The following CDKAL1 variants were observed in gnomAD, a reference collection of about 807,000 sequenced individuals.
CDKAL1 encodes CDKAL1 threonylcarbamoyladenosine tRNA methylthiotransferase.
CDKAL1 carries 32 observed loss-of-function variants against 68.2 expected under a neutral mutation model. That is an observed-to-expected ratio of 0.47 (90% CI 0.35 to 0.63). CDKAL1 has a LOEUF of 0.63. Ranked by LOEUF, CDKAL1 falls within the 30% of genes least tolerant of loss-of-function variation. The pLI, the probability that CDKAL1 is intolerant of heterozygous loss-of-function variation, is 0.00. For synonymous variants in CDKAL1, 234 were observed against 244.3 expected (o/e 0.96, Z 0.39); for missense variants, 606 against 696.7 (o/e 0.87, Z 1.47).
intron 5 of CDKAL1, among the ~76,000 whole-genome samples, chr6:20,672,531 TA>T (rs1414159024): frequency 4.6e-5 from 7 of 151,820 alleles, no homozygotes; most frequent in African/African-American, 1.7e-4. Context: ...TCTGTATTTT[TA>T]ATAGAGACAG....
intron 4 of CDKAL1, among the ~76,000 whole-genome samples, chr6:20,604,805 G>A (rs113046434): frequency 1.0e-3 from 157 of 152,338 alleles, no homozygotes; most frequent in African/African-American, 3.4e-3. Context: ...TACATGTGCT[G>A]TCTCTTTGAC....
intron 11 of CDKAL1, among the ~76,000 whole-genome samples, chr6:21,034,053 G>A (rs1769440960): frequency 6.6e-6 from 1 of 152,138 alleles, no homozygotes; most frequent in Non-Finnish European, 1.5e-5. Context: ...ACCAGCTAGG[G>A]AAAGAGGATG....
intron 7 of CDKAL1, among the ~76,000 whole-genome samples, chr6:20,759,215 A>T (rs1774362079): frequency 6.6e-6 from 1 of 152,134 alleles, no homozygotes; most frequent in South Asian, 2.1e-4. Flanking sequence ...ATTTAGTTTG[A>T]ATTTCAGATT....
chr6:20,985,425 C>T (rs898619458), intron 10 of CDKAL1, among the ~76,000 whole-genome samples: 2 of 152,128 alleles, frequency 1.3e-5, no homozygotes, highest in Non-Finnish European at 2.9e-5. Context: ...TCCCAAGTAG[C>T]TGGGATTATA....
At chr6:20,654,818 C>A (rs1303313782) in intron 5 of CDKAL1, among the ~76,000 whole-genome samples, 2 of 152,112 alleles carry the variant, frequency 1.3e-5, no homozygotes, top group African/African-American at 4.8e-5. Context: ...TGATCTATTT[C>A]TTTATTCTGG....
At chr6:20,984,939 C>G (rs1198609682) in intron 10 of CDKAL1, among the ~76,000 whole-genome samples, 1 of 152,108 alleles carries the variant, frequency 6.6e-6, no homozygotes. Context: ...CAGGGACCTG[C>G]CCTTTTCTAC....
At chr6:20,676,239 TAC>T (rs1283870079) in intron 5 of CDKAL1, among the ~76,000 whole-genome samples, 2 of 152,152 alleles carry the variant, frequency 1.3e-5, no homozygotes, top group Non-Finnish European at 2.9e-5. Flanking sequence ...AGTCTAAATG[TAC>T]AGTGTTTATT....
chr6:21,003,597 A>G (rs1396941688), intron 11 of CDKAL1, among the ~76,000 whole-genome samples: 2 of 151,716 alleles, frequency 1.3e-5, no homozygotes, highest in Non-Finnish European at 2.9e-5. Context: ...AAAGAAATAA[A>G]TGAAATATTT....
chr6:21,118,727 T>C (rs556361621), intron 13 of CDKAL1, among the ~76,000 whole-genome samples: 1 of 152,374 alleles, frequency 6.6e-6, no homozygotes, highest in African/African-American at 2.4e-5. Context: ...TATTCAACAC[T>C]CTGCCTTTGG....
chr6:20,774,357 TTAGTTAATAGATATATTTTG>T (rs1249544417), intron 7 of CDKAL1, among the ~76,000 whole-genome samples: 2 of 152,126 alleles, frequency 1.3e-5, no homozygotes, highest in African/African-American at 4.8e-5. Context: ...GGAGCGTAAT[TTAGTTAATAGATATATTTTG>T]TAGCTAGTTA....
chr6:20,860,097 A>G (rs1759533844), intron 9 of CDKAL1, among the ~76,000 whole-genome samples: 1 of 151,804 alleles, frequency 6.6e-6, no homozygotes, highest in African/African-American at 2.4e-5. Context: ...TTTTCTTTTG[A>G]GATGGAGTCT....
At chr6:20,545,718 A>T (rs1313288617) in intron 2 of CDKAL1, among the ~76,000 whole-genome samples, 1 of 152,102 alleles carries the variant, frequency 6.6e-6, no homozygotes, top group African/African-American at 2.4e-5. Flanking sequence ...GGCATAAGCC[A>T]CCCAAAGTGC....
chr6:20,740,901 C>T (rs1773426497), intron 6 of CDKAL1, among the ~76,000 whole-genome samples: 1 of 152,166 alleles, frequency 6.6e-6, no homozygotes, highest in Non-Finnish European at 1.5e-5. Context: ...GTCAGACTAA[C>T]TTTCTCTATA....
intron 10 of CDKAL1, 117 bp downstream of exon 10, chr6:20,955,702 T>C: frequency 2.6e-6 from 2 of 765,840 alleles, no homozygotes; most frequent in South Asian, 5.0e-5. Flanking sequence ...TTTTTTTTTG[T>C]AGTCCCGCAT....
At chr6:20,600,789 C>T (rs75351993) in intron 4 of CDKAL1, among the ~76,000 whole-genome samples, 12,941 of 129,738 alleles carry the variant, frequency 0.1, 1,154 homozygotes, top group African/African-American at 0.23. Context: ...TATATATATA[C>T]ACACACACAC....
intron 4 of CDKAL1, among the ~76,000 whole-genome samples, chr6:20,599,566 C>T (rs1170971142): frequency 6.6e-6 from 1 of 152,146 alleles, no homozygotes; most frequent in Non-Finnish European, 1.5e-5. Context: ...GCAAAATTTG[C>T]ATAATGACTT....
intron 12 of CDKAL1, 25 bp from the exon 13 acceptor site, chr6:21,108,376 T>C (rs1251903280): frequency 6.4e-7 from 1 of 1,564,758 alleles, no homozygotes; most frequent in Non-Finnish European, 8.8e-7. Context: ...TGTTGGTTTT[T>C]TGTTTTTTTT....
At position 20,750,377 on chromosome 6, in the gene CDKAL1, A is replaced by C. The variant is rs113904653; in HGVS notation, c.469-8218A>C. On this transcript the variant is annotated intron_variant, in intron 6 of 15. Coordinates refer to ENST00000274695, the MANE Select transcript of CDKAL1 (RefSeq NM_017774.3). The stretch of plus-strand genomic sequence containing the variant: ...TCACTGTTATGTCCCCAGTTACTAG[A>C]ACTTTGTAGTTCATAGTTAGTGTTT... Among the ~76,000 whole-genome samples, 742 of 152,272 alleles carry C rather than the reference A, an allele frequency of 4.9e-3. 6 individuals are homozygous for C. Among genetic ancestry groups the C allele is most frequent in the African/African-American group, 0.016 (667 of 41,558 alleles).
chr6:20,542,185 G>T (rs1763416403), intron 2 of CDKAL1, among the ~76,000 whole-genome samples: 1 of 152,222 alleles, frequency 6.6e-6, no homozygotes. Flanking sequence ...TCTGTTAATT[G>T]AATGATGTGA....
Sources: allele counts gnomAD v4.1 joint callset (sites outside exome capture counted in the v4.1 genomes callset), GRCh38; gene constraint gnomAD v4.1.1; transcripts MANE v1.5; gene names NCBI Gene and HGNC (gene_info 2026-07-23, HGNC 2026-07-21).